The following TAF4 variants were observed in gnomAD, a reference collection of about 807,000 sequenced individuals.
TAF4 encodes the protein transcription initiation factor TFIID subunit 4.
A neutral mutation model predicts 90.3 loss-of-function variants in TAF4; 9 were observed. The observed-to-expected ratio is 0.10, with a 90% CI of 0.06 to 0.17. The LOEUF (loss-of-function observed/expected upper bound fraction) is 0.17. TAF4 is among the 10% of genes least tolerant of loss of function. The probability of loss-of-function intolerance (pLI) is 1.00; values close to 1 mark genes in which losing one functional copy is unlikely to be tolerated. For missense variants in TAF4, 1,351 were observed against 1,370.7 expected (o/e 0.99, Z 0.23); for synonymous variants, 818 against 638.9 (o/e 1.28, Z -4.23).
At chr20:62,003,567 G>A (rs2055721979) in intron 8 of TAF4, among the ~76,000 whole-genome samples, 164 bp downstream of exon 8, 1 of 152,240 alleles carries the variant, frequency 6.6e-6, no homozygotes, top group East Asian at 1.9e-4. Context: ...CAGTGGTGAT[G>A]GTTACACAAC....
At chr20:62,024,777 C>T (rs918895316) in intron 1 of TAF4, among the ~76,000 whole-genome samples, 2 of 151,628 alleles carry the variant, frequency 1.3e-5, no homozygotes, top group Non-Finnish European at 2.9e-5. Flanking sequence ...GGCTGAGGCA[C>T]GAAAATCGCG....
chr20:62,061,524 A>C (rs2056088604), intron 1 of TAF4, among the ~76,000 whole-genome samples: 1 of 152,242 alleles, frequency 6.6e-6, no homozygotes, highest in Non-Finnish European at 1.5e-5. Flanking sequence ...AGAAAATGTG[A>C]ATTTGCCAGG....
intron 14 of TAF4, among the ~76,000 whole-genome samples, chr20:61,988,375 TATTA>T (rs893490252): frequency 6.6e-6 from 1 of 152,194 alleles, no homozygotes; most frequent in African/African-American, 2.4e-5. Flanking sequence ...AAAAATAGTT[TATTA>T]ATTTATTTAA....
At chr20:62,036,456 G>A (rs1435390332) in intron 1 of TAF4, among the ~76,000 whole-genome samples, 2 of 152,210 alleles carry the variant, frequency 1.3e-5, no homozygotes, top group African/African-American at 4.8e-5. Flanking sequence ...CTGCTGGGAG[G>A]CAAGTGAACT....
chr20:62,051,296 G>A (rs896215292), intron 1 of TAF4, among the ~76,000 whole-genome samples: 1 of 152,116 alleles, frequency 6.6e-6, no homozygotes, highest in African/African-American at 2.4e-5. Flanking sequence ...GACACCCAGG[G>A]TGCTCAGCTC....
chr20:61,998,527 G>A (rs1224109098), intron 12 of TAF4, among the ~76,000 whole-genome samples: 1 of 150,594 alleles, frequency 6.6e-6, no homozygotes, highest in East Asian at 2.1e-4. Flanking sequence ...CACACACCAG[G>A]GACGGGACAG....
At chr20:62,059,126 C>T (rs907133080) in intron 1 of TAF4, among the ~76,000 whole-genome samples, 1 of 152,226 alleles carries the variant, frequency 6.6e-6, no homozygotes, top group Admixed American at 6.5e-5. Context: ...CAACATGACA[C>T]CCACGGTGGG....
chr20:62,016,945 G>T (rs896545744), intron 1 of TAF4, among the ~76,000 whole-genome samples: 2 of 151,902 alleles, frequency 1.3e-5, no homozygotes, highest in African/African-American at 4.8e-5. Context: ...AGACCAGACT[G>T]GGCAATATAG....
chr20:61,998,066 G>GC (rs959682949), intron 13 of TAF4, 70 bp downstream of exon 13: 60 of 1,470,320 alleles, frequency 4.1e-5, no homozygotes, highest in Middle Eastern at 3.5e-4. Flanking sequence ...GGTTTCCTTA[G>GC]CCCCCCTCCC....
chr20:62,034,272 T>C (rs1445894452), intron 1 of TAF4, among the ~76,000 whole-genome samples: 1 of 152,190 alleles, frequency 6.6e-6, no homozygotes, highest in Non-Finnish European at 1.5e-5. Flanking sequence ...AAGATCAATA[T>C]CCAAAATTCA....
chr20:62,030,093 C>T (rs2055896649), intron 1 of TAF4, among the ~76,000 whole-genome samples: 1 of 152,136 alleles, frequency 6.6e-6, no homozygotes, highest in Non-Finnish European at 1.5e-5. Flanking sequence ...GCCAGGCGAG[C>T]AGCGCAGCGG....
At chr20:62,008,892 C>T (rs2296085) in intron 5 of TAF4, 160 bp downstream of exon 5, 7 of 928,986 alleles carry the variant, frequency 7.5e-6, no homozygotes, top group Non-Finnish European at 1.1e-5. Flanking sequence ...AGGCCACACA[C>T]GCCTTCGACA....
intron 6 of TAF4, 63 bp downstream of exon 6, chr20:62,007,484 T>A (rs2281735): frequency 0.64 from 960,571 of 1,495,392 alleles, 310,937 homozygotes; most frequent in Middle Eastern, 0.75. Context: ...GCACACTTGG[T>A]GCATCTGCGC....
intron 1 of TAF4, among the ~76,000 whole-genome samples, chr20:62,018,313 G>T (rs537562725): frequency 6.6e-6 from 1 of 152,192 alleles, no homozygotes; most frequent in South Asian, 2.1e-4. Context: ...GAACACCAAC[G>T]GCTGCATCCA....
At chr20:62,064,376 G>A (rs2056108969) in intron 1 of TAF4, 75 bp downstream of exon 1, 4 of 1,269,966 alleles carry the variant, frequency 3.1e-6, no homozygotes, top group East Asian at 6.3e-5. Flanking sequence ...CATTCCACCA[G>A]CGGAGAACTT....
At chr20:62,024,209 T>C (rs2055861903) in intron 1 of TAF4, among the ~76,000 whole-genome samples, 1 of 152,162 alleles carries the variant, frequency 6.6e-6, no homozygotes, top group African/African-American at 2.4e-5. Flanking sequence ...GACGGGCTTC[T>C]CACATGCTGG....
intron 1 of TAF4, among the ~76,000 whole-genome samples, chr20:62,041,980 C>T (rs2055966312): frequency 1.3e-5 from 2 of 151,926 alleles, no homozygotes; most frequent in African/African-American, 4.8e-5. Flanking sequence ...ATGATACAGA[C>T]AGGAGGCAAG....
chr20:62,024,141 C>T (rs193071745), intron 1 of TAF4, among the ~76,000 whole-genome samples: 29 of 152,220 alleles, frequency 1.9e-4, no homozygotes, highest in Admixed American at 9.8e-4. Flanking sequence ...TCAACACGGC[C>T]GTGCAGAGTC....
chr20:61,989,103 G>A (rs1391891508), intron 14 of TAF4, among the ~76,000 whole-genome samples: 1 of 152,162 alleles, frequency 6.6e-6, no homozygotes, highest in Non-Finnish European at 1.5e-5. Context: ...CGGAAGCCCT[G>A]GCGTGCTAGG....
Sources: allele counts gnomAD v4.1 joint callset (sites outside exome capture counted in the v4.1 genomes callset), GRCh38; gene constraint gnomAD v4.1.1; transcripts MANE v1.5; gene names NCBI Gene and HGNC (gene_info 2026-07-23, HGNC 2026-07-21).